ZNF326: variants seen among roughly 807,000 people sequenced by gnomAD.
The protein encoded by ZNF326 is zinc finger protein 326, also known as DBIRD complex subunit ZNF326.
In ZNF326, 30 loss-of-function variants were observed where a neutral mutation model predicts 63.1. That is an observed-to-expected ratio of 0.48 (90% CI 0.36 to 0.64). The LOEUF (loss-of-function observed/expected upper bound fraction) is 0.64. ZNF326 is among the 30% of genes least tolerant of loss of function. ZNF326 has a pLI of 0.00. For missense variants in ZNF326, 609 were observed against 720.3 expected (o/e 0.85, Z 1.77); for synonymous variants, 194 against 228.2 (o/e 0.85, Z 1.35).
intron 7 of ZNF326, among the ~76,000 whole-genome samples, chr1:90,015,193 A>G (rs1159247253): frequency 2.6e-5 from 4 of 152,218 alleles, no homozygotes; most frequent in African/African-American, 9.6e-5. Context: ...GTAAATCACT[A>G]TTCTTGTGAT....
chr1:90,005,568 G>A, intron 4 of ZNF326: 5 of 913,602 alleles, frequency 5.5e-6, no homozygotes, highest in South Asian at 5.1e-5. Flanking sequence ...ATATAAAAAT[G>A]TTATTGAAAA....
At position 90,034,656 on chromosome 1, in the gene ZNF326, C is replaced by G. The variant is rs1471628597; in HGVS notation, c.*6955C>G. On this transcript the variant is annotated 3_prime_UTR_variant, in exon 12 of 12. Coordinates refer to ENST00000340281, the MANE Select transcript of ZNF326 (RefSeq NM_182976.4). ...TTTAAAAATCAGACAAAAGAAAACA[C>G]TGTCCTTGTAATGCTTGCATTTAAA... 6.6e-6 allele frequency: 1 copy of G among 152,140 alleles called. No homozygotes were observed. The highest frequency in any genetic ancestry group is 2.4e-5 in the African/African-American group (1 of 41,446). The allele number at this position is 152,140 out of a possible 1,614,324, so 9.4% of individuals were successfully genotyped here.
At chr1:90,026,723 A>AATT (rs946561550) in intron 11 of ZNF326, among the ~76,000 whole-genome samples, 8 of 152,074 alleles carry the variant, frequency 5.3e-5, no homozygotes, top group African/African-American at 1.9e-4. Context: ...CAATCTTAAT[A>AATT]TTTTCCTGCT....
At chr1:90,015,847 T>C (rs1649477804) in intron 7 of ZNF326, among the ~76,000 whole-genome samples, 1 of 152,142 alleles carries the variant, frequency 6.6e-6, no homozygotes, top group Non-Finnish European at 1.5e-5. Flanking sequence ...GTTATTGTTA[T>C]TTAGAAAATT....
Position 90,018,738 on chromosome 1 carries a change from TAATC to T in ZNF326, c.1131_1134del (p.Asn377LysfsTer4), listed in dbSNP as rs762113419. ...CATCTATTCGTAAGCAACAGACAAA[TAATC>T]AAACAGAAGTAGTTAAAATAATTGA... On this transcript the variant is annotated frameshift_variant, in exon 9 of 12. Coordinates refer to ENST00000340281, the MANE Select transcript of ZNF326 (RefSeq NM_182976.4). LOFTEE classifies it high-confidence loss of function. The T allele has an allele frequency of 7.6e-6, 12 of 1,582,538 alleles. No homozygotes were observed. Among genetic ancestry groups the T allele is most frequent in the Admixed American group, 7.3e-5 (4 of 54,716 alleles).
At chr1:90,018,291 CA>C (rs990615746) in intron 8 of ZNF326, among the ~76,000 whole-genome samples, 5,035 of 93,852 alleles carry the variant, frequency 0.054, 104 homozygotes, top group African/African-American at 0.093. Flanking sequence ...GACTCCATCT[CA>C]AAAAAAAAAA....
At position 90,033,412 on chromosome 1, in the gene ZNF326, C is replaced by G. The variant is rs774263467; in HGVS notation, c.*5711C>G. ...AAACAATTCAGGGGGAAAAAATGAC[C>G]AAGTATAATTAGTATTATATGGAAT... On this transcript the variant is annotated 3_prime_UTR_variant, in exon 12 of 12. Coordinates refer to ENST00000340281, the MANE Select transcript of ZNF326 (RefSeq NM_182976.4). 4 of 151,994 alleles carry G rather than the reference C, an allele frequency of 2.6e-5. No homozygotes were observed. Among genetic ancestry groups the G allele is most frequent in the Non-Finnish European group, 4.4e-5 (3 of 67,984 alleles). The allele number at this position is 151,994 out of a possible 1,614,324, so 9.4% of individuals were successfully genotyped here. A position where few individuals can be genotyped will look rare whatever the true frequency, so the allele number is the denominator to read the frequency against.
Position 90,028,222 on chromosome 1 carries a change from G to T in ZNF326, c.*521G>T, listed in dbSNP as rs1006462479. On this transcript the variant is annotated 3_prime_UTR_variant, in exon 12 of 12. Transcript: ENST00000340281. ...TTTGTAGCAATAAAATGTTTTTTAC[G>T]AAAACTTTCTCCCTGGATTAGCAGT... The T allele has an allele frequency of 2.6e-5, 4 of 153,260 alleles. No homozygotes were observed. The highest frequency in any genetic ancestry group is 1.3e-4 in the Admixed American group (2 of 15,418). The allele number at this position is 153,260 out of a possible 1,614,324, so 9.5% of individuals were successfully genotyped here.
At chr1:90,013,263 G>A in intron 7 of ZNF326, 26 bp downstream of exon 7, 6 of 1,468,282 alleles carry the variant, frequency 4.1e-6, no homozygotes, top group Non-Finnish European at 5.5e-6. Context: ...CAGAAAATTA[G>A]GTTCATTAAA....
intron 9 of ZNF326, 114 bp downstream of exon 9, chr1:90,018,898 A>G: frequency 2.2e-6 from 1 of 447,696 alleles, no homozygotes; most frequent in Non-Finnish European, 3.9e-6. Context: ...TATATACAGT[A>G]GCTCTGAGTG....
intron 2 of ZNF326, among the ~76,000 whole-genome samples, chr1:89,999,793 A>G (rs1648577901): frequency 6.6e-6 from 1 of 152,182 alleles, no homozygotes; most frequent in Non-Finnish European, 1.5e-5. Context: ...CAGGGATTCA[A>G]TTTGACTTTG....
Position 89,998,170 on chromosome 1 carries a change from C to T in ZNF326, c.61+16C>T. The T allele has an allele frequency of 6.2e-7, 1 of 1,611,832 alleles. No homozygotes were observed. ...GGCTTTAATGGTAAGTATCCTCTTT[C>T]AGCTTTTCTCTTCATGCGCATAAAA... On this transcript the variant is annotated intron_variant, in intron 2 of 11. Transcript: ENST00000340281.
chr1:90,025,790 A>G (rs553371565), intron 11 of ZNF326, among the ~76,000 whole-genome samples: 1 of 152,304 alleles, frequency 6.6e-6, no homozygotes, highest in South Asian at 2.1e-4. Flanking sequence ...AGTACAATAA[A>G]TCCTCAAGAA....
chr1:90,013,456 T>C (rs1435734394), intron 7 of ZNF326, among the ~76,000 whole-genome samples: 1 of 152,194 alleles, frequency 6.6e-6, no homozygotes, highest in Non-Finnish European at 1.5e-5. Context: ...CCAAAAGATA[T>C]CAAATATTCA....
intron 2 of ZNF326, among the ~76,000 whole-genome samples, chr1:89,998,824 G>A (rs1173810770): frequency 1.3e-5 from 2 of 152,050 alleles, no homozygotes; most frequent in Non-Finnish European, 2.9e-5. Flanking sequence ...AGGACTTGAG[G>A]CATTAAATAT....
chr1:90,000,616 G>C (rs963758756), intron 2 of ZNF326, among the ~76,000 whole-genome samples: 1 of 152,102 alleles, frequency 6.6e-6, no homozygotes, highest in Non-Finnish European at 1.5e-5. Flanking sequence ...GAGATGGGAG[G>C]ATCGATTGAG....
chr1:90,007,404 G>A lies in ZNF326; in HGVS notation c.269G>A (p.Arg90Lys), dbSNP rs750865828. The change falls in exon 5 of 12, where the codon AGA becomes AAA. Residue 90 changes from arginine (R) to lysine (K), a missense_variant. This residue lies in a region of ZNF326 where 113 missense variants were observed against 187.4 expected (regional missense o/e 0.60). Transcript: ENST00000340281. The surrounding 1 kb of genome is among the most constrained non-coding windows in gnomAD (Gnocchi z 4.9). ...RSSLGGRDLY[R>K]SGYGFNEPEQ... is the part of the protein sequence containing the mutation. ...TCTCTGGGTGGGCGAGATCTGTACAGATCTGGCTATGGTTTTAATGAACCC... is the reference window on the plus strand; with the variant it reads ...TCTCTGGGTGGGCGAGATCTGTACAAATCTGGCTATGGTTTTAATGAACCC... 1.2e-6 allele frequency: 2 copies of A among 1,613,962 alleles called. No homozygotes were observed. Among genetic ancestry groups the A allele is most frequent in the East Asian group, 2.2e-5 (1 of 44,880 alleles).
At position 90,007,864 on chromosome 1, in the gene ZNF326, A is replaced by C. The variant is rs967613330; in HGVS notation, c.615+114A>C. On this transcript the variant is annotated intron_variant, in intron 5 of 11. Transcript: ENST00000340281. This position sits in a 1 kb window ranked among gnomAD's most constrained non-coding sequence, Gnocchi z 4.9. ...TGTTCATCCCGGTGTATTTTGAAGC[A>C]AAAGCTGAGTCATAAACATAATTTT... 3.8e-6 allele frequency: 4 copies of C among 1,054,344 alleles called. No individual in the cohort carries two copies. In the African/African-American group the frequency reaches 6.5e-5, roughly 17 times the overall value. 65.3% of individuals were successfully genotyped at this position (1,054,344 alleles called of 1,614,324 possible).
At chr1:89,996,114 G>A (rs1225887056) in intron 1 of ZNF326, among the ~76,000 whole-genome samples, 2 of 152,150 alleles carry the variant, frequency 1.3e-5, no homozygotes, top group Non-Finnish European at 2.9e-5. Context: ...CTTTTACAGG[G>A]TCACAAAGTA....
Sources: allele counts gnomAD v4.1 joint callset (sites outside exome capture counted in the v4.1 genomes callset), GRCh38; gene constraint gnomAD v4.1.1; regional missense constraint gnomAD v4.1.1; non-coding constraint Gnocchi (gnomAD v3.1); transcripts MANE v1.5; gene names NCBI Gene and HGNC (gene_info 2026-07-23, HGNC 2026-07-21).